SMCHD1: variants seen among roughly 807,000 people sequenced by gnomAD.
SMCHD1 encodes structural maintenance of chromosomes flexible hinge domain-containing protein 1.
Under a neutral mutation model 254.7 loss-of-function variants are expected in SMCHD1, and 78 were observed. The observed-to-expected ratio is 0.31, with a 90% CI of 0.26 to 0.37. The LOEUF (loss-of-function observed/expected upper bound fraction) is 0.37, where lower values mean the gene tolerates loss of function less well. SMCHD1 is among the 10% of genes least tolerant of loss of function. The pLI, the probability that SMCHD1 is intolerant of heterozygous loss-of-function variation, is 1.00. For synonymous variants in SMCHD1, 766 were observed against 794.9 expected, an observed-to-expected ratio of 0.96 and a Z score of 0.61; for missense variants, 1,840 against 2,408.1, an observed-to-expected ratio of 0.76 and a Z score of 4.94.
chr18:2,691,016 A>G (rs1251684700), intron 7 of SMCHD1, among the ~76,000 whole-genome samples: 1 of 142,962 alleles, frequency 7.0e-6, no homozygotes, highest in Non-Finnish European at 1.5e-5. Flanking sequence ...TTTTTTTTCC[A>G]TTTTATTATC....
chr18:2,715,084 G>T (rs1376003685), intron 17 of SMCHD1, among the ~76,000 whole-genome samples: 1 of 152,076 alleles, frequency 6.6e-6, no homozygotes, highest in Non-Finnish European at 1.5e-5. Flanking sequence ...TTGTAGTGAG[G>T]CCTTTCTTGC....
intron 5 of SMCHD1, among the ~76,000 whole-genome samples, chr18:2,675,556 C>T (rs1396811192): frequency 2.0e-5 from 3 of 152,138 alleles, no homozygotes; most frequent in African/African-American, 7.2e-5. Context: ...AGCCACTGCA[C>T]CTGGCCTAGA....
chr18:2,722,585 A>C lies in SMCHD1; in HGVS notation c.2525A>C (p.Asn842Thr). Reference protein sequence around the residue: ...DLPFRVGVPFNIPLEFQDEFG... With the variant: ...DLPFRVGVPFTIPLEFQDEFG... ...CCTTTTCGTGTTGGAGTTCCATTTA[A>C]TATCCCTCTGGAGTTTCAGGATGAA... Residue 842 changes from asparagine to threonine, a missense_variant, in exon 20 of 48, where the codon AAT becomes ACT. Around this residue, in one of 9 missense-constraint regions of SMCHD1, gnomAD observed 59 missense variants for 99.2 expected, o/e 0.59. Transcript: ENST00000320876. 6.2e-7 allele frequency: 1 copy of C among 1,613,430 alleles called. No homozygotes were observed. The highest frequency in any genetic ancestry group is 8.5e-7 in the Non-Finnish European group (1 of 1,179,546).
chr18:2,699,458 G>A (rs2074353493), intron 10 of SMCHD1, among the ~76,000 whole-genome samples: 1 of 152,170 alleles, frequency 6.6e-6, no homozygotes. Context: ...TCATGGATCA[G>A]CCTCCTGAGT....
chr18:2,737,403 A>C (rs773508482), intron 25 of SMCHD1, among the ~76,000 whole-genome samples: 1 of 152,238 alleles, frequency 6.6e-6, no homozygotes, highest in Non-Finnish European at 1.5e-5. Flanking sequence ...AGTGTAATTT[A>C]GAAATTTTTT....
chr18:2,703,212 C>A lies in SMCHD1; in HGVS notation c.1648-480C>A, dbSNP rs141105772. 2.6e-5 allele frequency among the ~76,000 whole-genome samples: 4 copies of A among 152,198 alleles called. No individual in the cohort carries two copies. In the East Asian group the frequency reaches 7.7e-4, roughly 29 times the overall value. ...TTGGCATCTTTTTCTCAATTGTTTT[C>A]CCCAATGAAATTTTACTACTGCAGA... On this transcript the variant is annotated intron_variant, in intron 12 of 47. Coordinates refer to ENST00000320876, the MANE Select transcript of SMCHD1 (RefSeq NM_015295.3).
intron 5 of SMCHD1, among the ~76,000 whole-genome samples, chr18:2,676,682 A>G (rs1243105731): frequency 1.3e-5 from 2 of 152,322 alleles, no homozygotes; most frequent in Non-Finnish European, 2.9e-5. Context: ...TTTCAAGCCA[A>G]TAGACAAGAT....
rs2074852349 is a variant in SMCHD1, at chr18:2,718,590, C to G, written c.2458+156C>G. 6.6e-6 allele frequency among the ~76,000 whole-genome samples: 1 copy of G among 152,180 alleles called. No individual in the cohort carries two copies. The highest frequency in any genetic ancestry group is 2.4e-5 in the African/African-American group (1 of 41,440). On this transcript the variant is annotated intron_variant, in intron 19 of 47. Transcript: ENST00000320876. The surrounding 1 kb of genome is among the most constrained non-coding windows in gnomAD (Gnocchi z 4.6). ...ACTTACTTTGAGATGGGGTCTCATT[C>G]TGTCACCCAGGCTGGAGTGCAGTGG...
chr18:2,690,735 C>T (rs938507821), intron 7 of SMCHD1, among the ~76,000 whole-genome samples: 6 of 151,420 alleles, frequency 4.0e-5, no homozygotes, highest in Middle Eastern at 3.5e-3. Flanking sequence ...CCGCCCACCT[C>T]GGCCTCCCAA....
intron 37 of SMCHD1, 76 bp downstream of exon 37, chr18:2,763,865 C>A: frequency 7.6e-7 from 1 of 1,323,330 alleles, no homozygotes; most frequent in South Asian, 1.3e-5. Context: ...GACACCTTTT[C>A]TTTTGTATAG....
chr18:2,735,873 T>A (rs2075238979), intron 25 of SMCHD1, among the ~76,000 whole-genome samples: 1 of 152,154 alleles, frequency 6.6e-6, no homozygotes, highest in Admixed American at 6.5e-5. Context: ...ATCAAACTAC[T>A]GTCATTTTTC....
chr18:2,656,150 C>T lies in SMCHD1; in HGVS notation c.75C>T (p.His25=). The T allele has an allele frequency of 6.6e-7, 1 of 1,510,222 alleles. No individual in the cohort carries two copies. The highest frequency in any genetic ancestry group is 8.8e-7 in the Non-Finnish European group (1 of 1,132,530). 93.6% of individuals were successfully genotyped at this position (1,510,222 alleles called of 1,614,324 possible). The change falls in exon 1 of 48, where the codon CAC becomes CAT. Residue 25 remains histidine (H), a synonymous_variant. Coordinates refer to ENST00000320876, the MANE Select transcript of SMCHD1 (RefSeq NM_015295.3). ...AGGAGGATGGCGGAGGCGTCGGCCA[C>T]AGGACGGTGTACTTGTTTGATCGGC... ...GTEEDGGGVG[H]RTVYLFDRRE...
At chr18:2,798,012 CAG>C (rs1365423604) in intron 47 of SMCHD1, among the ~76,000 whole-genome samples, 1 of 152,174 alleles carries the variant, frequency 6.6e-6, no homozygotes, top group East Asian at 1.9e-4. Context: ...TGCATTGAAA[CAG>C]AGAACTGAAG....
intron 19 of SMCHD1, among the ~76,000 whole-genome samples, chr18:2,721,668 A>G (rs998612084): frequency 2.0e-5 from 3 of 152,186 alleles, no homozygotes; most frequent in African/African-American, 7.2e-5. Flanking sequence ...TCTCACTATG[A>G]GAGTTCCAAT....
chr18:2,738,239 A>G (rs1018145449), intron 25 of SMCHD1, among the ~76,000 whole-genome samples, 158 bp from the exon 26 acceptor site: 1 of 152,208 alleles, frequency 6.6e-6, no homozygotes, highest in South Asian at 2.1e-4. Context: ...CCTTTGTATC[A>G]TATTAGTATA....
At chr18:2,762,582 C>T (rs2075805498) in intron 36 of SMCHD1, among the ~76,000 whole-genome samples, 1 of 150,298 alleles carries the variant, frequency 6.7e-6, no homozygotes, top group South Asian at 2.1e-4. Context: ...CAACCTCAAG[C>T]AGTCCTCCCA....
At chr18:2,722,243 G>T (rs1274745903) in intron 19 of SMCHD1, among the ~76,000 whole-genome samples, 1 of 152,128 alleles carries the variant, frequency 6.6e-6, no homozygotes, top group Non-Finnish European at 1.5e-5. Flanking sequence ...TTCAAGACCA[G>T]TGTGGGCAAC....
intron 1 of SMCHD1, 57 bp from the exon 2 acceptor site, chr18:2,666,100 G>T (rs1266839461): frequency 1.3e-6 from 1 of 769,554 alleles, no homozygotes; most frequent in Admixed American, 2.7e-5. Context: ...TTATAAATTT[G>T]AATAATACAT....
chr18:2,752,236 T>A (rs561688927), intron 33 of SMCHD1, among the ~76,000 whole-genome samples: 1 of 152,308 alleles, frequency 6.6e-6, no homozygotes, highest in Non-Finnish European at 1.5e-5. Flanking sequence ...GTTGGTATTA[T>A]CTTTAAATAA....
Sources: gnomAD v4.1 joint callset for allele counts (sites outside exome capture counted in the v4.1 genomes callset) on GRCh38, gnomAD v4.1.1 for gene constraint, gnomAD v4.1.1 regional missense constraint, Gnocchi (gnomAD v3.1) non-coding constraint, MANE v1.5 for transcripts, NCBI Gene and HGNC (gene_info 2026-07-23, HGNC 2026-07-21) for gene names.